The following RTTN variants were observed in gnomAD, a reference collection of about 807,000 sequenced individuals.
RTTN encodes the protein rotatin.
RTTN carries 182 observed loss-of-function variants against 269.2 expected under a neutral mutation model. The observed-to-expected ratio is 0.68, with a 90% confidence interval of 0.60 to 0.76. The LOEUF (loss-of-function observed/expected upper bound fraction) is 0.76. Ranked by LOEUF, RTTN falls within the 30% of genes least tolerant of loss-of-function variation. The pLI, the probability that RTTN is intolerant of heterozygous loss-of-function variation, is 0.00. For missense variants in RTTN, 2,545 were observed against 2,608.6 expected (o/e 0.98, Z 0.53); for synonymous variants, 1,006 against 963.5 (o/e 1.04, Z -0.82).
intron 27 of RTTN, among the ~76,000 whole-genome samples, chr18:70,112,357 T>G (rs549623147): frequency 2.0e-4 from 30 of 151,608 alleles, no homozygotes; most frequent in Admixed American, 4.0e-4. Context: ...AGACACAGAC[T>G]GGCAAATTGG....
chr18:70,025,039 C>T (rs529736167), intron 43 of RTTN, among the ~76,000 whole-genome samples, 191 bp from the exon 44 acceptor site: 1 of 152,320 alleles, frequency 6.6e-6, no homozygotes, highest in African/African-American at 2.4e-5. Context: ...AATCTCAGGA[C>T]GTCGCTTCAA....
intron 44 of RTTN, among the ~76,000 whole-genome samples, chr18:70,024,234 C>T (rs2056787693): frequency 6.6e-6 from 1 of 152,178 alleles, no homozygotes; most frequent in African/African-American, 2.4e-5. Flanking sequence ...AGATCACTCT[C>T]ACCAGAACTC....
intron 40 of RTTN, among the ~76,000 whole-genome samples, chr18:70,036,719 G>C (rs2057184269): frequency 6.6e-6 from 1 of 152,140 alleles, no homozygotes; most frequent in African/African-American, 2.4e-5. Flanking sequence ...GGCTGGGTGA[G>C]TGCAGCAAGG....
At chr18:70,156,038 T>C (rs940144803) in intron 14 of RTTN, among the ~76,000 whole-genome samples, 4 of 152,144 alleles carry the variant, frequency 2.6e-5, no homozygotes, top group East Asian at 1.9e-4. Context: ...TTGTAGAGCA[T>C]GTGTGTTTGA....
intron 27 of RTTN, among the ~76,000 whole-genome samples, chr18:70,112,620 T>A (rs894917912): frequency 6.6e-6 from 1 of 151,454 alleles, no homozygotes; most frequent in Non-Finnish European, 1.5e-5. Context: ...GAGCTAACTA[T>A]CCTAAATATA....
At chr18:70,131,375 A>G (rs1362663948) in intron 23 of RTTN, 1 of 151,628 alleles carries the variant, frequency 6.6e-6, no homozygotes, top group Non-Finnish European at 1.5e-5. Flanking sequence ...TAAATACCTG[A>G]CAATAAAAGA....
At chr18:70,201,224 GCTGGCGTAA>G (rs2061935458) in intron 4 of RTTN, among the ~76,000 whole-genome samples, 1 of 152,200 alleles carries the variant, frequency 6.6e-6, no homozygotes, top group African/African-American at 2.4e-5. Context: ...TCAGCCTCTG[GCTGGCGTAA>G]CTGGATAGAT....
At chr18:70,156,373 A>G (rs1384635340) in intron 14 of RTTN, among the ~76,000 whole-genome samples, 1 of 152,162 alleles carries the variant, frequency 6.6e-6, no homozygotes, top group Non-Finnish European at 1.5e-5. Flanking sequence ...GGAAATTCCC[A>G]TCTAATAAAT....
At chr18:70,110,751 C>A (rs2059443329) in intron 27 of RTTN, among the ~76,000 whole-genome samples, 1 of 152,306 alleles carries the variant, frequency 6.6e-6, no homozygotes, top group East Asian at 1.9e-4. Context: ...GCCAGGGAGC[C>A]AAGTGGTCTG....
chr18:70,112,483 CAAAAA>C (rs36147576), intron 27 of RTTN, among the ~76,000 whole-genome samples: 17 of 68,052 alleles, frequency 2.5e-4, no homozygotes, highest in Non-Finnish European at 3.9e-4. Flanking sequence ...AAATGGAAAG[CAAAAA>C]AAAAAAAAAA....
chr18:70,154,293 T>C (rs1178593238), intron 14 of RTTN, among the ~76,000 whole-genome samples: 1 of 152,066 alleles, frequency 6.6e-6, no homozygotes, highest in African/African-American at 2.4e-5. Context: ...AAAATTAACA[T>C]CCAGATTATT....
chr18:70,152,769 C>A (rs1329892507), intron 14 of RTTN, among the ~76,000 whole-genome samples: 1 of 152,148 alleles, frequency 6.6e-6, no homozygotes, highest in Non-Finnish European at 1.5e-5. Flanking sequence ...CTCCACTACA[C>A]CACCACATCT....
intron 40 of RTTN, among the ~76,000 whole-genome samples, chr18:70,044,721 T>C (rs973784549): frequency 6.6e-5 from 10 of 152,324 alleles, no homozygotes; most frequent in African/African-American, 2.4e-4. Context: ...TTGTGATTCA[T>C]CAGTCTGATA....
intron 28 of RTTN, 48 bp from the exon 29 acceptor site, chr18:70,092,852 T>C: frequency 1.3e-6 from 2 of 1,520,920 alleles, no homozygotes; most frequent in South Asian, 1.2e-5. Context: ...TTCTCAATGG[T>C]ATATAAAGAT....
At chr18:70,152,661 T>A (rs2060568662) in intron 14 of RTTN, among the ~76,000 whole-genome samples, 2 of 152,114 alleles carry the variant, frequency 1.3e-5, no homozygotes, top group South Asian at 4.1e-4. Context: ...AACCTTAAAA[T>A]TCATCCTTGA....
chr18:70,030,857 G>C lies in RTTN; in HGVS notation c.5647+19C>G, dbSNP rs766479352. ...AATTGATAATGCCATCAAAACAGCT[G>C]ATGTGTCATGTGGCTCACCTTTCAA... On this transcript the variant is annotated intron_variant, in intron 41 of 48. Coordinates refer to ENST00000640769, the MANE Select transcript of RTTN (RefSeq NM_173630.4). The C allele has an allele frequency of 6.4e-7, 1 of 1,559,450 alleles. No individual in the cohort carries two copies.
Position 70,086,598 on chromosome 18 carries a change from T to C in RTTN, c.4374+15A>G, listed in dbSNP as rs750329696. The C allele has an allele frequency of 2.1e-5, 33 of 1,553,810 alleles. No homozygotes were observed. Among genetic ancestry groups the C allele is most frequent in the African/African-American group, 4.2e-5 (3 of 71,580 alleles). On this transcript the variant is annotated intron_variant, in intron 32 of 48. Coordinates refer to ENST00000640769, the MANE Select transcript of RTTN (RefSeq NM_173630.4). ...GAAACATCTACTAGGTTGATAATTG[T>C]TTAAAATCACCCACCTGCCAAGTAT...
At chr18:70,107,954 A>G (rs755898053) in intron 28 of RTTN, among the ~76,000 whole-genome samples, 2 of 152,126 alleles carry the variant, frequency 1.3e-5, no homozygotes, top group Non-Finnish European at 2.9e-5. Context: ...ATAAAAAGAA[A>G]CTCTGAACGA....
At chr18:70,079,767 T>C (rs997691447) in intron 32 of RTTN, among the ~76,000 whole-genome samples, 4 of 152,134 alleles carry the variant, frequency 2.6e-5, no homozygotes, top group South Asian at 2.1e-4. Context: ...TTATGTCATA[T>C]CAAGCTCCAA....
Sources: gnomAD v4.1 joint callset for allele counts (sites outside exome capture counted in the v4.1 genomes callset) on GRCh38, gnomAD v4.1.1 for gene constraint, MANE v1.5 for transcripts, NCBI Gene and HGNC (gene_info 2026-07-23, HGNC 2026-07-21) for gene names.